Variants in STX7 observed in about 807,000 individuals in gnomAD.
STX7 encodes the protein syntaxin 7, also known as syntaxin-7.
STX7 carries 34 observed loss-of-function variants against 39.6 expected under a neutral mutation model. The observed-to-expected ratio is 0.86, with a 90% CI of 0.65 to 1.14. STX7 has a LOEUF of 1.14. STX7 is among the 50% of genes most tolerant of loss of function. The probability of loss-of-function intolerance (pLI) is 0.00; values close to 1 mark genes in which losing one functional copy is unlikely to be tolerated. For missense variants in STX7, 284 were observed against 310.4 expected, an observed-to-expected ratio of 0.92 and a Z score of 0.64; for synonymous variants, 119 against 99.1, an observed-to-expected ratio of 1.20 and a Z score of -1.19.
chr6:132,469,981 A>G lies in STX7; in HGVS notation c.507T>C (p.His169=). Residue 169 remains histidine, a synonymous_variant, in exon 7 of 10, where the codon CAT becomes CAC. Coordinates refer to ENST00000367941, the MANE Select transcript of STX7 (RefSeq NM_003569.3). ...EITEDDLRLI[H]ERESSIRQLE... The stretch of plus-strand genomic sequence containing the variant: ...GTTGCCTGATAGAAGATTCTCTCTC[A>G]TGAATAAGACGGAGGTCATCCTCTG... The G allele has an allele frequency of 6.2e-7, 1 of 1,601,594 alleles. No homozygotes were observed.
intron 2 of STX7, among the ~76,000 whole-genome samples, chr6:132,495,491 C>A (rs952022502): frequency 1.3e-5 from 2 of 152,244 alleles, no homozygotes; most frequent in South Asian, 4.1e-4. Context: ...TTTTTCAACT[C>A]TTTTTCCTTT....
intron 6 of STX7, 45 bp from the exon 7 acceptor site, chr6:132,470,092 C>A (rs777411479): frequency 4.3e-6 from 6 of 1,396,950 alleles, no homozygotes; most frequent in South Asian, 1.4e-5. Flanking sequence ...GATTGGTATT[C>A]AAAACAATGG....
chr6:132,470,899 T>C (rs965789521), intron 5 of STX7, among the ~76,000 whole-genome samples: 1 of 152,182 alleles, frequency 6.6e-6, no homozygotes, highest in Non-Finnish European at 1.5e-5. Context: ...CAAATAAGTA[T>C]TATTTAGTTA....
At chr6:132,486,318 C>T (rs1203653359) in intron 2 of STX7, among the ~76,000 whole-genome samples, 1 of 152,118 alleles carries the variant, frequency 6.6e-6, no homozygotes, top group Non-Finnish European at 1.5e-5. Context: ...CTGTCTTTCA[C>T]CATTAAGTGT....
chr6:132,505,757 A>AAAAAAAAC (rs1562341404), intron 1 of STX7, among the ~76,000 whole-genome samples: 15 of 144,910 alleles, frequency 1.0e-4, no homozygotes, highest in East Asian at 2.0e-4. Flanking sequence ...AAAAAAAAAA[A>AAAAAAAAC]AAAAAAACAC....
chr6:132,477,131 C>A (rs1358515818), intron 2 of STX7, among the ~76,000 whole-genome samples: 1 of 152,066 alleles, frequency 6.6e-6, no homozygotes, highest in Non-Finnish European at 1.5e-5. Context: ...AAGCATATAG[C>A]AACTCTTAGC....
rs573855269 is a variant in STX7, at chr6:132,448,307, T to C, written c.*12451A>G. 2.6e-5 allele frequency: 4 copies of C among 152,310 alleles called. No individual in the cohort carries two copies. The East Asian group carries it at 5.8e-4, about 22-fold the overall frequency. The allele number at this position is 152,310 out of a possible 1,614,324, so 9.4% of individuals were successfully genotyped here. On this transcript the variant is annotated 3_prime_UTR_variant, in exon 10 of 10. Transcript: ENST00000367941. The stretch of plus-strand genomic sequence containing the variant: ...TGATTACTGATTTTTTAGCTCACCA[T>C]ACCTTCTTGCATCTCAGACTTTCCT...
chr6:132,461,090 T>C (rs192614040), intron 9 of STX7, among the ~76,000 whole-genome samples: 78 of 152,310 alleles, frequency 5.1e-4, no homozygotes, highest in African/African-American at 1.6e-3. Context: ...TTTTCAACTT[T>C]CATTGGTAAT....
intron 1 of STX7, among the ~76,000 whole-genome samples, chr6:132,505,760 A>AAAAAAAAC (rs1775689365): frequency 6.9e-6 from 1 of 144,988 alleles, no homozygotes; most frequent in African/African-American, 2.6e-5. Flanking sequence ...AAAAAAAAAA[A>AAAAAAAAC]AAAACACAGG....
chr6:132,504,131 T>A (rs1193020208), intron 1 of STX7, among the ~76,000 whole-genome samples: 3 of 152,170 alleles, frequency 2.0e-5, no homozygotes, highest in Non-Finnish European at 4.4e-5. Context: ...TTAAAAGTAA[T>A]GGTAAAAATG....
At chr6:132,469,787 C>T (rs536241386) in intron 7 of STX7, among the ~76,000 whole-genome samples, 164 bp downstream of exon 7, 3 of 152,180 alleles carry the variant, frequency 2.0e-5, no homozygotes, top group South Asian at 2.1e-4. Context: ...TGCAGTGAGC[C>T]GAGATTCCAC....
rs192513844 is a variant in STX7 at position 132,449,853 on chromosome 6, T to C, written c.*10905A>G. Reference sequence around the variant, plus strand: ...GAATTCCTTGAATATCTAAATCTACTGTTTCTCAATGCAAATGGTGTGTTT... The same window carrying C: ...GAATTCCTTGAATATCTAAATCTACCGTTTCTCAATGCAAATGGTGTGTTT... On this transcript the variant is annotated 3_prime_UTR_variant, in exon 10 of 10. Coordinates refer to ENST00000367941, the MANE Select transcript of STX7 (RefSeq NM_003569.3). 4.6e-5 allele frequency: 7 copies of C among 152,362 alleles called. No individual in the cohort carries two copies. The highest frequency in any genetic ancestry group is 1.0e-4 in the Non-Finnish European group (7 of 68,034). 9.4% of individuals were successfully genotyped at this position (152,362 alleles called of 1,614,324 possible).
intron 1 of STX7, among the ~76,000 whole-genome samples, chr6:132,512,799 C>T (rs78126882): frequency 0.081 from 12,288 of 152,222 alleles, 668 homozygotes; most frequent in East Asian, 0.16. Flanking sequence ...ACGCGCCGCG[C>T]CCTTGCACCC....
At chr6:132,503,826 T>C (rs1241189960) in intron 1 of STX7, among the ~76,000 whole-genome samples, 1 of 152,172 alleles carries the variant, frequency 6.6e-6, no homozygotes, top group Non-Finnish European at 1.5e-5. Flanking sequence ...AAATTGCATA[T>C]TTCCTTTGAA....
intron 8 of STX7, among the ~76,000 whole-genome samples, chr6:132,464,501 A>G (rs1774508725): frequency 6.6e-6 from 1 of 152,186 alleles, no homozygotes; most frequent in Non-Finnish European, 1.5e-5. Context: ...CATCATGATA[A>G]AAACTGGTAC....
chr6:132,489,019 T>C (rs1483644798), intron 2 of STX7, among the ~76,000 whole-genome samples: 2 of 151,882 alleles, frequency 1.3e-5, no homozygotes, highest in African/African-American at 2.4e-5. Context: ...CTGGCCAACA[T>C]GGCGAAAACC....
rs1775196334 is a variant in STX7 at position 132,488,468 on chromosome 6, A to G, written c.86-12806T>C. On this transcript the variant is annotated intron_variant, in intron 2 of 9. Coordinates refer to ENST00000367941, the MANE Select transcript of STX7 (RefSeq NM_003569.3). ...TACTTGTTTTATCAATTATTCAGAG[A>G]AGGGTACCGAAAGCCATAATTGTGG... is the stretch of plus-strand genomic sequence containing the variant. Among the ~76,000 whole-genome samples the G allele has an allele frequency of 2.0e-5, 3 of 152,186 alleles. No homozygotes were observed. The South Asian group carries it at 6.2e-4, about 31-fold the overall frequency.
intron 8 of STX7, among the ~76,000 whole-genome samples, chr6:132,466,850 C>A (rs970064463): frequency 6.6e-6 from 1 of 152,186 alleles, no homozygotes; most frequent in Admixed American, 6.5e-5. Context: ...GTAACTTCAC[C>A]ATCATAGTGG....
intron 2 of STX7, among the ~76,000 whole-genome samples, chr6:132,496,592 A>G (rs923883348): frequency 5.9e-5 from 9 of 152,192 alleles, no homozygotes; most frequent in Admixed American, 3.3e-4. Context: ...CCTCTTAACA[A>G]AACATAGAAT....
Sources: allele counts gnomAD v4.1 joint callset (sites outside exome capture counted in the v4.1 genomes callset), GRCh38; gene constraint gnomAD v4.1.1; transcripts MANE v1.5; gene names NCBI Gene and HGNC (gene_info 2026-07-23, HGNC 2026-07-21).